Variants in RNF150 observed in about 807,000 individuals in gnomAD.
RNF150 encodes the protein ring finger protein 150.
In RNF150, 24 loss-of-function variants were observed where a neutral mutation model predicts 39.3. That is an observed-to-expected ratio of 0.61 (90% confidence interval 0.44 to 0.86). The LOEUF (loss-of-function observed/expected upper bound fraction) is 0.86, where lower values mean the gene tolerates loss of function less well. Ranked by LOEUF, RNF150 falls within the 40% of genes least tolerant of loss-of-function variation. The pLI is 0.00. For missense variants in RNF150, 502 were observed against 587.8 expected, an observed-to-expected ratio of 0.85 and a Z score of 1.51; for synonymous variants, 255 against 227.3, an observed-to-expected ratio of 1.12 and a Z score of -1.10.
chr4:141,025,686 A>G (rs1190299744), intron 1 of RNF150, among the ~76,000 whole-genome samples: 1 of 152,190 alleles, frequency 6.6e-6, no homozygotes, highest in Non-Finnish European at 1.5e-5. Flanking sequence ...AAAGAGGACT[A>G]GAGTTAAAGC....
chr4:140,886,409 G>T (rs924063699), intron 6 of RNF150, among the ~76,000 whole-genome samples: 1 of 152,088 alleles, frequency 6.6e-6, no homozygotes, highest in African/African-American at 2.4e-5. Context: ...ATCCCACAAT[G>T]CTCCACTAGT....
At chr4:140,995,315 G>A (rs1423294775) in intron 1 of RNF150, among the ~76,000 whole-genome samples, 1 of 152,192 alleles carries the variant, frequency 6.6e-6, no homozygotes, top group African/African-American at 2.4e-5. Context: ...AGCAGCAGAG[G>A]TACGGCTCAG....
In RNF150 at chr4:141,113,896, G is replaced by A. The variant is rs149813687; in HGVS notation, c.484+18429C>T. On this transcript the variant is annotated intron_variant, in intron 1 of 6. Coordinates refer to ENST00000515673, the MANE Select transcript of RNF150 (RefSeq NM_020724.2). ...AAAACTGCATAACTACATCGAAACT[G>A]AACAACCTTCTCCTGAATGACTACT... is the stretch of plus-strand genomic sequence containing the variant. Among the ~76,000 whole-genome samples the A allele has an allele frequency of 7.1e-3, 1,084 of 152,204 alleles. 15 individuals are homozygous for A. Among genetic ancestry groups the A allele is most frequent in the African/African-American group, 0.024 (1,005 of 41,542 alleles).
intron 6 of RNF150, among the ~76,000 whole-genome samples, chr4:140,907,850 A>T (rs1421343190): frequency 6.6e-6 from 1 of 152,198 alleles, no homozygotes; most frequent in Non-Finnish European, 1.5e-5. Flanking sequence ...AGTAAGATGA[A>T]GATAAAAATA....
intron 1 of RNF150, among the ~76,000 whole-genome samples, chr4:140,969,067 C>A (rs918263139): frequency 6.6e-6 from 1 of 151,998 alleles, no homozygotes; most frequent in South Asian, 2.1e-4. Flanking sequence ...AGCTGCTTAA[C>A]GCTGGCTGTA....
In RNF150 at chr4:141,206,952, G is replaced by A. The variant is rs541908235; in HGVS notation, c.-6+5842C>T. 1.5e-3 allele frequency among the ~76,000 whole-genome samples: 233 copies of A among 152,070 alleles called. 1 individual carries two copies. The highest frequency in any genetic ancestry group is 5.2e-3 in the African/African-American group (217 of 41,456). ...AGTCCCAAAGGTGGAAGAACCTGGA[G>A]TCTGATGTCCAAGGGCAGGAAGAAT... On this transcript the variant is annotated intron_variant, in intron 1 of 7. Transcript: ENST00000420921.
At chr4:140,912,018 C>T (rs1403383351) in intron 5 of RNF150, among the ~76,000 whole-genome samples, 1 of 152,164 alleles carries the variant, frequency 6.6e-6, no homozygotes, top group African/African-American at 2.4e-5. Context: ...TGGTGAGACC[C>T]CCTTGTTCAA....
In RNF150 at chr4:140,867,708, A is replaced by G. The variant is rs539985911; in HGVS notation, c.*553T>C. ...TTCAGGGTGCTGAGGCACTTCTCAA[A>G]GCCATGCACACTTCATGCTGGGAGG... is the stretch of plus-strand genomic sequence containing the variant. On this transcript the variant is annotated 3_prime_UTR_variant, in exon 7 of 7. Transcript: ENST00000515673. The G allele has an allele frequency of 6.6e-6, 1 of 152,396 alleles. No individual in the cohort carries two copies. Among genetic ancestry groups the G allele is most frequent in the South Asian group, 2.1e-4 (1 of 4,828 alleles). The allele number at this position is 152,396 out of a possible 1,614,324, so 9.4% of individuals were successfully genotyped here. A position where few individuals can be genotyped will look rare whatever the true frequency, so the allele number is the denominator to read the frequency against.
At chr4:141,206,710 A>G (rs931001382) in intron 1 of RNF150, among the ~76,000 whole-genome samples, 2 of 152,112 alleles carry the variant, frequency 1.3e-5, no homozygotes, top group African/African-American at 4.8e-5. Flanking sequence ...GGACAGAACC[A>G]ATAGGATATA....
chr4:140,947,513 G>T, intron 4 of RNF150, 141 bp downstream of exon 4: 1 of 681,412 alleles, frequency 1.5e-6, no homozygotes, highest in Non-Finnish European at 2.6e-6. Flanking sequence ...AAGAATGTTA[G>T]GGTTGTCTGC....
intron 1 of RNF150, among the ~76,000 whole-genome samples, chr4:141,188,608 C>G (rs1578788145): frequency 6.6e-6 from 1 of 152,040 alleles, no homozygotes; most frequent in East Asian, 1.9e-4. Context: ...GATCTTCGAT[C>G]TCTGATATCC....
At chr4:141,009,195 T>G (rs1399737978) in intron 1 of RNF150, among the ~76,000 whole-genome samples, 1 of 152,214 alleles carries the variant, frequency 6.6e-6, no homozygotes, top group African/African-American at 2.4e-5. Flanking sequence ...AAATATTTGA[T>G]GATTCTTGTT....
chr4:141,100,100 ACTAGGTTAAAATCAACATAAT>A (rs976699291), intron 1 of RNF150, among the ~76,000 whole-genome samples: 2 of 152,216 alleles, frequency 1.3e-5, no homozygotes, highest in Non-Finnish European at 2.9e-5. Flanking sequence ...CTTTTATAGG[ACTAGGTTAAAATCAACATAAT>A]CTAGACCTCA....
intron 2 of RNF150, among the ~76,000 whole-genome samples, chr4:140,955,206 G>A (rs1332907679): frequency 6.6e-6 from 1 of 152,144 alleles, no homozygotes. Context: ...CCATGGTGTG[G>A]ATCACCACTC....
Position 141,132,413 on chromosome 4 carries a change from G to A in RNF150, c.396C>T (p.Ile132=), listed in dbSNP as rs1726919070. ...PKGNCTYRDK[I]RNAFLQNASA... is the part of the protein sequence containing the mutation. ...AGGCGTTCTGCAGGAACGCGTTCCG[G>A]ATCTTATCCCTGTACGTGCAGTTGC... Residue 132 remains isoleucine, a synonymous_variant, in exon 1 of 7, where the codon ATC becomes ATT. Transcript: ENST00000515673. This position sits in a 1 kb window ranked among gnomAD's most constrained non-coding sequence, Gnocchi z 4.9. 3.1e-6 allele frequency: 5 copies of A among 1,609,350 alleles called. No individual in the cohort carries two copies. The highest frequency in any genetic ancestry group is 3.4e-6 in the Non-Finnish European group (4 of 1,178,324).
chr4:140,953,378 G>A (rs1002708426), intron 2 of RNF150, among the ~76,000 whole-genome samples: 2 of 152,104 alleles, frequency 1.3e-5, no homozygotes, highest in East Asian at 1.9e-4. Context: ...CTCCTCTTTT[G>A]AGGAAAAACA....
At chr4:141,089,754 G>A (rs1394589901) in intron 1 of RNF150, among the ~76,000 whole-genome samples, 1 of 151,974 alleles carries the variant, frequency 6.6e-6, no homozygotes, top group African/African-American at 2.4e-5. Context: ...CTCTAATCTT[G>A]GAATATTTAC....
chr4:141,122,034 A>G (rs1726620152), intron 1 of RNF150, among the ~76,000 whole-genome samples: 1 of 152,176 alleles, frequency 6.6e-6, no homozygotes, highest in East Asian at 1.9e-4. Flanking sequence ...ATATGCAGTC[A>G]GGGTGGAGAT....
At chr4:140,918,644 C>T (rs1730957611) in intron 5 of RNF150, among the ~76,000 whole-genome samples, 1 of 151,860 alleles carries the variant, frequency 6.6e-6, no homozygotes, top group Non-Finnish European at 1.5e-5. Flanking sequence ...GAAACTATTC[C>T]AATCAATACA....
Sources: gnomAD v4.1 joint callset for allele counts (sites outside exome capture counted in the v4.1 genomes callset) on GRCh38, gnomAD v4.1.1 for gene constraint, Gnocchi (gnomAD v3.1) non-coding constraint, MANE v1.5 for transcripts, NCBI Gene and HGNC (gene_info 2026-07-23, HGNC 2026-07-21) for gene names.